ALPK2: variants seen among roughly 807,000 people sequenced by gnomAD.
ALPK2 encodes alpha kinase 2.
Under a neutral mutation model 163.1 loss-of-function variants are expected in ALPK2, and 127 were observed. The observed-to-expected ratio is 0.78, with a 90% CI of 0.67 to 0.90. The LOEUF (loss-of-function observed/expected upper bound fraction) is 0.90, where lower values mean the gene tolerates loss of function less well. Among genes scored for constraint, ALPK2 ranks in the 40% least tolerant of loss-of-function variants. ALPK2 has a pLI of 0.00. For missense variants in ALPK2, 2,360 were observed against 2,589.6 expected, an observed-to-expected ratio of 0.91 and a Z score of 1.92; for synonymous variants, 953 against 959.1, an observed-to-expected ratio of 0.99 and a Z score of 0.12.
In ALPK2 at chr18:58,565,510, T is replaced by G. The variant is rs141053986; in HGVS notation, c.1962+13304A>C. Among the ~76,000 whole-genome samples, 1,459 of 152,312 alleles carry G rather than the reference T, an allele frequency of 9.6e-3. 19 individuals carry two copies. Among genetic ancestry groups the G allele is most frequent in the African/African-American group, 0.032 (1,319 of 41,564 alleles). Reference sequence around the variant, plus strand: ...CAACTTCTTGCATATTTATTGACCATTTATCTCTTCCATAAACTTTGTATA... The same window carrying G: ...CAACTTCTTGCATATTTATTGACCAGTTATCTCTTCCATAAACTTTGTATA... On this transcript the variant is annotated intron_variant, in intron 4 of 12. Transcript: ENST00000361673.
rs1343443756 is a variant in ALPK2 at position 58,607,335 on chromosome 18, A to G, written c.214T>C (p.Leu72=). 6.2e-6 allele frequency: 10 copies of G among 1,610,620 alleles called. No individual in the cohort carries two copies. Among genetic ancestry groups the G allele is most frequent in the Admixed American group, 1.7e-5 (1 of 59,560 alleles). ...EFFENQYIHV[L]HLSCCTKNDA... ...ATAGCCACTTACCAAGAGAGATGTA[A>G]CACATGAATATACTGATTCTCAAAG... The change falls in exon 3 of 13, where the codon TTA becomes CTA. Residue 72 remains leucine, a synonymous_variant. Transcript: ENST00000361673.
intron 3 of ALPK2, among the ~76,000 whole-genome samples, chr18:58,604,619 C>T (rs2052088757): frequency 6.6e-6 from 1 of 152,244 alleles, no homozygotes. Context: ...TACTGCTAAG[C>T]AGCAAAACGT....
intron 3 of ALPK2, 92 bp downstream of exon 3, chr18:58,607,230 T>A: frequency 1.2e-6 from 1 of 835,334 alleles, no homozygotes; most frequent in Non-Finnish European, 1.8e-6. Context: ...GAAGCAAATA[T>A]GAGCCAATCT....
intron 3 of ALPK2, among the ~76,000 whole-genome samples, chr18:58,593,563 C>CA (rs34460316): frequency 0.038 from 1,903 of 50,004 alleles, 61 homozygotes; most frequent in East Asian, 0.065. Flanking sequence ...GACTCTGTCT[C>CA]AAAAAAAAAA....
intron 3 of ALPK2, among the ~76,000 whole-genome samples, chr18:58,591,713 C>T (rs2052015710): frequency 6.6e-6 from 1 of 152,178 alleles, no homozygotes; most frequent in South Asian, 2.1e-4. Context: ...GCTTCAGGCC[C>T]TCCCAGGAAA....
Position 58,481,771 on chromosome 18 carries a change from C to T in ALPK2, c.*52G>A, listed in dbSNP as rs368630136. The T allele has an allele frequency of 3.0e-4, 444 of 1,467,474 alleles. 1 individual carries two copies. The highest frequency in any genetic ancestry group is 5.0e-4 in the Admixed American group (29 of 58,394). The allele number at this position is 1,467,474 out of a possible 1,614,324, so 90.9% of individuals were successfully genotyped here. On this transcript the variant is annotated 3_prime_UTR_variant, in exon 13 of 13. Coordinates refer to ENST00000361673, the MANE Select transcript of ALPK2 (RefSeq NM_052947.4). ...CTCTCCTGTGTGGCCTCAGATTTTCCCTGGCGAGATTGTGTGCTGCTAGCC... is the reference window on the plus strand; with the variant it reads ...CTCTCCTGTGTGGCCTCAGATTTTCTCTGGCGAGATTGTGTGCTGCTAGCC...
intron 2 of ALPK2, among the ~76,000 whole-genome samples, chr18:58,610,773 T>TC (rs1185189363): frequency 7.8e-6 from 1 of 127,916 alleles, no homozygotes; most frequent in Non-Finnish European, 1.6e-5. Flanking sequence ...ACCACCCCCC[T>TC]CCCCCCGTCC....
At chr18:58,593,833 G>A (rs1426421882) in intron 3 of ALPK2, among the ~76,000 whole-genome samples, 2 of 151,080 alleles carry the variant, frequency 1.3e-5, no homozygotes, top group Non-Finnish European at 2.9e-5. Context: ...AGCCGAGATC[G>A]CACCATTGCA....
At chr18:58,558,281 A>G (rs886824543) in intron 4 of ALPK2, among the ~76,000 whole-genome samples, 1 of 152,238 alleles carries the variant, frequency 6.6e-6, no homozygotes, top group African/African-American at 2.4e-5. Flanking sequence ...AATATACACC[A>G]GAGTTTGGAG....
intron 1 of ALPK2, among the ~76,000 whole-genome samples, chr18:58,626,541 C>T (rs1438311307): frequency 6.6e-6 from 1 of 151,824 alleles, no homozygotes; most frequent in Non-Finnish European, 1.5e-5. Context: ...TCATCATGAT[C>T]ACAGGCCTTT....
chr18:58,497,731 C>T (rs905341024), intron 12 of ALPK2, among the ~76,000 whole-genome samples: 54 of 152,126 alleles, frequency 3.5e-4, no homozygotes, highest in Admixed American at 1.4e-3. Flanking sequence ...TGTAAAAGAA[C>T]GGAATATTCC....
At chr18:58,483,562 T>TTTAC (rs1438210569) in intron 12 of ALPK2, among the ~76,000 whole-genome samples, 1 of 145,086 alleles carries the variant, frequency 6.9e-6, no homozygotes, top group African/African-American at 2.5e-5. Flanking sequence ...TATTTATTTA[T>TTTAC]TTATTGAGAC....
intron 1 of ALPK2, 87 bp from the exon 2 acceptor site, chr18:58,611,904 C>A: frequency 1.2e-6 from 1 of 829,180 alleles, no homozygotes; most frequent in Non-Finnish European, 1.8e-6. Flanking sequence ...CAGGGTGCCG[C>A]CCTGGCAGCT....
At chr18:58,495,053 G>T (rs1468322785) in intron 12 of ALPK2, among the ~76,000 whole-genome samples, 1 of 151,992 alleles carries the variant, frequency 6.6e-6, no homozygotes, top group Admixed American at 6.5e-5. Context: ...CATGCCCCAT[G>T]CCCCATGCCT....
rs146559848 is a variant in ALPK2, at chr18:58,554,996, G to A, written c.1963-16772C>T. On this transcript the variant is annotated intron_variant, in intron 4 of 12. Transcript: ENST00000361673. ...TAACATATGGCTTTGCTCCTCCTTC[G>A]CCTTCTGCCATAATTGTGAGGTCTT... Among the ~76,000 whole-genome samples, 57 of 152,132 alleles carry A rather than the reference G, an allele frequency of 3.7e-4. 1 individual carries two copies. Among genetic ancestry groups the A allele is most frequent in the East Asian group, 1.5e-3 (8 of 5,190 alleles).
At chr18:58,612,834 A>G (rs575186536) in intron 1 of ALPK2, among the ~76,000 whole-genome samples, 1 of 152,330 alleles carries the variant, frequency 6.6e-6, no homozygotes, top group African/African-American at 2.4e-5. Flanking sequence ...AGTTCTGTCT[A>G]CACAGTAGCG....
rs1568091226 is a variant in ALPK2 at position 58,578,818 on chromosome 18, G to A, written c.1958C>T (p.Pro653Leu). The A allele has an allele frequency of 6.2e-7, 1 of 1,608,298 alleles. No individual in the cohort carries two copies. The highest frequency in any genetic ancestry group is 2.2e-5 in the East Asian group (1 of 44,708). ...TSQVPDWSDP[P>L]QVQVQETVRE... is the part of the protein sequence containing the mutation. ...TCTTTAAAAGAAAAGTCTTACCTGA[G>A]GAGGATCACTCCAGTCTGGAACCTG... The change falls in exon 4 of 13, where the codon CCT becomes CTT. Residue 653 changes from proline to leucine, a missense_variant. Physicochemically the swap from Pro to Leu is moderately conservative, Grantham distance 98. Transcript: ENST00000361673.
intron 4 of ALPK2, among the ~76,000 whole-genome samples, chr18:58,570,388 T>C (rs2051879768): frequency 6.6e-6 from 1 of 152,240 alleles, no homozygotes; most frequent in South Asian, 2.1e-4. Context: ...TGCCTGTTAC[T>C]GGATGGCCAT....
chr18:58,498,650 G>A (rs889765192), intron 11 of ALPK2, among the ~76,000 whole-genome samples: 1 of 152,218 alleles, frequency 6.6e-6, no homozygotes, highest in Non-Finnish European at 1.5e-5. Context: ...GACCCAGTGG[G>A]AGATAATTGA....
Sources: gnomAD v4.1 joint callset for allele counts (sites outside exome capture counted in the v4.1 genomes callset) on GRCh38, gnomAD v4.1.1 for gene constraint, MANE v1.5 for transcripts, NCBI Gene and HGNC (gene_info 2026-07-23, HGNC 2026-07-21) for gene names.